BCAS3: variants seen among roughly 807,000 people sequenced by gnomAD.
BCAS3 encodes BCAS4/BCAS3 fusion.
BCAS3 carries 53 observed loss-of-function variants against 116.1 expected under a neutral mutation model. That is an observed-to-expected ratio of 0.46 (90% CI 0.37 to 0.57). The LOEUF (loss-of-function observed/expected upper bound fraction) is 0.57, where lower values mean the gene tolerates loss of function less well. BCAS3 is among the 20% of genes least tolerant of loss of function. The probability of loss-of-function intolerance (pLI) is 0.00; values close to 1 mark genes in which losing one functional copy is unlikely to be tolerated. For missense variants in BCAS3, 917 were observed against 1,165.4 expected (o/e 0.79, Z 3.10); for synonymous variants, 391 against 408.2 (o/e 0.96, Z 0.51).
rs1472023800 is a variant in BCAS3, at chr17:61,361,055, A to AG, written c.2426-7271dup. On this transcript the variant is annotated intron_variant, in intron 22 of 23. Transcript: ENST00000407086. The surrounding 1 kb of genome is among the most constrained non-coding windows in gnomAD (Gnocchi z 6.5). ...CAAATATCAGACACCATTTTCTGGA[A>AG]GTATACTATTGTTAACGACATTGAA... 2.0e-5 allele frequency among the ~76,000 whole-genome samples: 3 copies of AG among 152,208 alleles called. No homozygotes were observed. The highest frequency in any genetic ancestry group is 4.4e-5 in the Non-Finnish European group (3 of 68,030).
intron 22 of BCAS3, among the ~76,000 whole-genome samples, chr17:61,335,702 G>A (rs1240837062): frequency 6.6e-6 from 1 of 152,172 alleles, no homozygotes; most frequent in East Asian, 1.9e-4. Flanking sequence ...GGGCAACAAA[G>A]CAAGACCCCA....
rs2063741506 is a variant in BCAS3, at chr17:60,994,900, C to T, written c.1486+4665C>T. Among the ~76,000 whole-genome samples, 1 of 152,158 alleles carries T rather than the reference C, an allele frequency of 6.6e-6. No individual in the cohort carries two copies. Among genetic ancestry groups the T allele is most frequent in the Admixed American group, 6.5e-5 (1 of 15,272 alleles). The stretch of plus-strand genomic sequence containing the variant: ...GTTATTCATTGACATGTCTGGGCTT[C>T]CTATTAGATTGACTTCTGTGAGCAC... On this transcript the variant is annotated intron_variant, in intron 15 of 23. Transcript: ENST00000407086. This position sits in a 1 kb window ranked among gnomAD's most constrained non-coding sequence, Gnocchi z 4.4.
chr17:61,116,995 G>C (rs189600619), intron 22 of BCAS3, among the ~76,000 whole-genome samples: 83 of 152,226 alleles, frequency 5.5e-4, no homozygotes, highest in Non-Finnish European at 1.1e-3. Context: ...CCTGTTTGAA[G>C]TTCAGGATTT....
intron 22 of BCAS3, among the ~76,000 whole-genome samples, chr17:61,170,515 A>C (rs1479844720): frequency 2.0e-5 from 3 of 151,656 alleles, no homozygotes; most frequent in African/African-American, 7.3e-5. Flanking sequence ...GATGGTCTTG[A>C]TCTCCTGACC....
intron 22 of BCAS3, among the ~76,000 whole-genome samples, chr17:61,163,963 C>G (rs767731352): frequency 1.4e-5 from 2 of 144,900 alleles, no homozygotes; most frequent in Non-Finnish European, 3.0e-5. Flanking sequence ...TACCATCGCA[C>G]TCCAGCCTGG....
At chr17:61,062,029 A>T (rs2070108330) in intron 19 of BCAS3, among the ~76,000 whole-genome samples, 1 of 152,218 alleles carries the variant, frequency 6.6e-6, no homozygotes, top group Non-Finnish European at 1.5e-5. Flanking sequence ...CTATGCAATA[A>T]GGTCAACTTT....
intron 9 of BCAS3, among the ~76,000 whole-genome samples, chr17:60,886,206 T>C (rs1364515575): frequency 2.8e-5 from 4 of 144,944 alleles, no homozygotes; most frequent in East Asian, 4.0e-4. Flanking sequence ...CATCTTCCAT[T>C]GCTGATACCC....
chr17:61,158,465 C>G (rs2077986614), intron 22 of BCAS3, among the ~76,000 whole-genome samples: 1 of 152,028 alleles, frequency 6.6e-6, no homozygotes, highest in Non-Finnish European at 1.5e-5. Context: ...TTGCTGATAC[C>G]TTTTTAAGAA....
rs2061162210 is a variant in BCAS3, at chr17:60,956,904, AAG to A, written c.1221+9553_1221+9554del. On this transcript the variant is annotated intron_variant, in intron 14 of 23. Coordinates refer to ENST00000407086, the MANE Select transcript of BCAS3 (RefSeq NM_017679.5). This position sits in a 1 kb window ranked among gnomAD's most constrained non-coding sequence, Gnocchi z 4.2. ...GTTTGGCCCTCTTTGAGTACTACAA[AAG>A]CATGTTTTTCTGGATTCTTCCAAGA... Among the ~76,000 whole-genome samples the A allele has an allele frequency of 6.6e-6, 1 of 152,122 alleles. No individual in the cohort carries two copies. Among genetic ancestry groups the A allele is most frequent in the African/African-American group, 2.4e-5 (1 of 41,428 alleles).
rs1491139206 is a variant in BCAS3, at chr17:61,045,932, A to AT, written c.2029+5040_2029+5041insT. 2.9e-3 allele frequency among the ~76,000 whole-genome samples: 54 copies of AT among 18,622 alleles called. 1 individual carries two copies. Among genetic ancestry groups the AT allele is most frequent in the African/African-American group, 3.2e-3 (4 of 1,258 alleles). The allele number at this position is 18,622 out of a possible 152,430, so 12.2% of individuals were successfully genotyped here. A position where few individuals can be genotyped will look rare whatever the true frequency, so the allele number is the denominator to read the frequency against. ...ATATATTTATATATATAATATATAT[A>AT]AATATATATATTATATATATAAATA... On this transcript the variant is annotated intron_variant, in intron 19 of 23. Coordinates refer to ENST00000407086, the MANE Select transcript of BCAS3 (RefSeq NM_017679.5).
intron 22 of BCAS3, among the ~76,000 whole-genome samples, chr17:61,116,791 A>C (rs143001250): frequency 6.6e-6 from 1 of 152,126 alleles, no homozygotes; most frequent in East Asian, 1.9e-4. Flanking sequence ...TTTCCTTTGT[A>C]CTCAGAAAAA....
intron 22 of BCAS3, among the ~76,000 whole-genome samples, chr17:61,247,658 A>T (rs2048079124): frequency 6.6e-6 from 1 of 152,164 alleles, no homozygotes; most frequent in Non-Finnish European, 1.5e-5. Context: ...GCTGCTCTTG[A>T]CTACAGCAGA....
intron 6 of BCAS3, among the ~76,000 whole-genome samples, chr17:60,781,787 A>G (rs762662683): frequency 1.5e-4 from 23 of 151,930 alleles, no homozygotes; most frequent in Non-Finnish European, 2.8e-4. Flanking sequence ...TCATAATTCC[A>G]TTTTTTCCTA....
chr17:60,732,718 A>G (rs1429836173), intron 5 of BCAS3, among the ~76,000 whole-genome samples: 3 of 152,296 alleles, frequency 2.0e-5, no homozygotes, highest in African/African-American at 7.2e-5. Flanking sequence ...GCGCACCTGT[A>G]GTCCCAGCTA....
At chr17:61,206,508 T>C (rs920541969) in intron 22 of BCAS3, among the ~76,000 whole-genome samples, 1 of 152,154 alleles carries the variant, frequency 6.6e-6, no homozygotes, top group Admixed American at 6.5e-5. Context: ...ATTAGAAAAT[T>C]GTGAGGGGGG....
chr17:60,785,854 T>G (rs935767451), intron 6 of BCAS3, among the ~76,000 whole-genome samples: 25 of 152,328 alleles, frequency 1.6e-4, no homozygotes, highest in African/African-American at 5.8e-4. Flanking sequence ...AGAGAAAAAG[T>G]TGTGTCTGAA....
chr17:61,121,249 C>T (rs997049707), intron 22 of BCAS3, among the ~76,000 whole-genome samples: 4 of 152,012 alleles, frequency 2.6e-5, no homozygotes, highest in Non-Finnish European at 4.4e-5. Flanking sequence ...GATATATCAG[C>T]TGTTATGGAG....
At position 61,213,176 on chromosome 17, in the gene BCAS3, GT is replaced by G. The variant is rs900317996; in HGVS notation, c.2425+128618del. Reference sequence around the variant, plus strand: ...ATTTTTGTTTGTTTGTTTGTTTTTTGTTTTTTGTTTTGAGATTGAGTCTCAC... The same window carrying G: ...ATTTTTGTTTGTTTGTTTGTTTTTTGTTTTTGTTTTGAGATTGAGTCTCAC... On this transcript the variant is annotated intron_variant, in intron 22 of 23. Coordinates refer to ENST00000407086, the MANE Select transcript of BCAS3 (RefSeq NM_017679.5). This position sits in a 1 kb window ranked among gnomAD's most constrained non-coding sequence, Gnocchi z 5.4. Among the ~76,000 whole-genome samples the G allele has an allele frequency of 1.9e-4, 29 of 151,746 alleles. No homozygotes were observed. Among genetic ancestry groups the G allele is most frequent in the African/African-American group, 7.0e-4 (29 of 41,388 alleles).
At chr17:61,059,122 G>A (rs1237840058) in intron 19 of BCAS3, among the ~76,000 whole-genome samples, 1 of 96,496 alleles carries the variant, frequency 1.0e-5, no homozygotes, top group East Asian at 3.5e-4. Flanking sequence ...TCGTTCTGTT[G>A]CCCAGGCTGG....
Sources: allele counts gnomAD v4.1 joint callset (sites outside exome capture counted in the v4.1 genomes callset), GRCh38; gene constraint gnomAD v4.1.1; non-coding constraint Gnocchi (gnomAD v3.1); transcripts MANE v1.5; gene names NCBI Gene and HGNC (gene_info 2026-07-23, HGNC 2026-07-21).